Variants in EPHB2 observed in about 807,000 individuals in gnomAD.
EPHB2 encodes ephrin type-B receptor 2.
In EPHB2, 18 loss-of-function variants were observed where a neutral mutation model predicts 96.4. The ratio of observed to expected loss-of-function variants is 0.19; its 90% CI spans 0.13 to 0.28. EPHB2 has a LOEUF of 0.28. Among genes scored for constraint, EPHB2 ranks in the 10% least tolerant of loss-of-function variants. The pLI is 1.00. For synonymous variants in EPHB2, 506 were observed against 534.1 expected, an observed-to-expected ratio of 0.95 and a Z score of 0.72; for missense variants, 989 against 1,355.4, an observed-to-expected ratio of 0.73 and a Z score of 4.25.
At chr1:22,712,921 C>T (rs1405788422) in intron 1 of EPHB2, among the ~76,000 whole-genome samples, 1 of 152,102 alleles carries the variant, frequency 6.6e-6, no homozygotes, top group Non-Finnish European at 1.5e-5. Context: ...GAAAATTGGC[C>T]CCTCTCTCGT....
intron 5 of EPHB2, among the ~76,000 whole-genome samples, chr1:22,868,570 A>G (rs1405198930): frequency 1.3e-5 from 2 of 152,110 alleles, no homozygotes; most frequent in Admixed American, 6.5e-5. Flanking sequence ...GGTTCAGCCT[A>G]TTTCATGTGT....
At chr1:22,793,410 G>T (rs184593080) in intron 3 of EPHB2, among the ~76,000 whole-genome samples, 9 of 152,126 alleles carry the variant, frequency 5.9e-5, no homozygotes, top group Admixed American at 1.3e-4. Flanking sequence ...AGCCAAGAAG[G>T]CTTCCTGGAG....
intron 3 of EPHB2, among the ~76,000 whole-genome samples, chr1:22,839,092 C>T (rs1369201568): frequency 2.0e-5 from 3 of 152,174 alleles, no homozygotes; most frequent in Non-Finnish European, 4.4e-5. Context: ...ACAGCTTTCC[C>T]AGGATATCAG....
chr1:22,823,113 G>A (rs1286828864), intron 3 of EPHB2, among the ~76,000 whole-genome samples: 3 of 152,204 alleles, frequency 2.0e-5, no homozygotes, highest in Admixed American at 2.0e-4. Flanking sequence ...AGTTAGCTCT[G>A]CCACATCCCC....
chr1:22,712,780 C>T (rs1240924217), intron 1 of EPHB2, among the ~76,000 whole-genome samples: 1 of 152,198 alleles, frequency 6.6e-6, no homozygotes, highest in Admixed American at 6.5e-5. Context: ...GCTGAGGTAC[C>T]ACTTATTAAC....
intron 1 of EPHB2, among the ~76,000 whole-genome samples, chr1:22,726,424 CTT>C (rs772724033): frequency 1.1e-5 from 1 of 91,146 alleles, no homozygotes; most frequent in Non-Finnish European, 2.7e-5. Flanking sequence ...CTTTTTTTTT[CTT>C]TTTTTTTTTT....
chr1:22,910,135 AG>A (rs1305467811), intron 13 of EPHB2, among the ~76,000 whole-genome samples: 1 of 152,260 alleles, frequency 6.6e-6, no homozygotes, highest in East Asian at 1.9e-4. Flanking sequence ...AAGCTATCTC[AG>A]GGCACTGGAT....
chr1:22,779,789 A>G (rs1467960605), intron 1 of EPHB2, among the ~76,000 whole-genome samples: 1 of 152,146 alleles, frequency 6.6e-6, no homozygotes, highest in Non-Finnish European at 1.5e-5. Context: ...TAGCATCTCA[A>G]ATGGTTCGTA....
chr1:22,903,046 A>G (rs1639800249), intron 9 of EPHB2, among the ~76,000 whole-genome samples: 1 of 152,222 alleles, frequency 6.6e-6, no homozygotes, highest in South Asian at 2.1e-4. Context: ...GCAGGCATCT[A>G]GGGAGCAGGG....
intron 5 of EPHB2, among the ~76,000 whole-genome samples, chr1:22,880,203 G>T (rs1373213423): frequency 6.6e-6 from 1 of 152,178 alleles, no homozygotes; most frequent in Non-Finnish European, 1.5e-5. Flanking sequence ...TTAGCAGCAA[G>T]GCAGAGAGGC....
chr1:22,781,779 G>A (rs910258644), intron 2 of EPHB2, among the ~76,000 whole-genome samples: 4 of 152,142 alleles, frequency 2.6e-5, no homozygotes, highest in Non-Finnish European at 5.9e-5. Context: ...TACAGATGAA[G>A]AAAGTGAACT....
Position 22,781,557 on chromosome 1 carries a change from C to T in EPHB2, c.126+72C>T. ...AAGCCCTGCTGCAGGGCCCGAATGC[C>T]CCCTCATATTCTAACCCCTTTCCCC... On this transcript the variant is annotated intron_variant, in intron 2 of 15. Coordinates refer to ENST00000374630, the MANE Select transcript of EPHB2 (RefSeq NM_017449.5). 3 of 1,489,002 alleles carry T rather than the reference C, an allele frequency of 2.0e-6. No individual in the cohort carries two copies. The South Asian group carries it at 3.4e-5, about 17-fold the overall frequency. The allele number at this position is 1,489,002 out of a possible 1,614,324, so 92.2% of individuals were successfully genotyped here.
chr1:22,774,417 G>T, intron 1 of EPHB2: 1 of 215,212 alleles, frequency 4.6e-6, no homozygotes, highest in Non-Finnish European at 7.9e-6. Flanking sequence ...GCCAGAGCAG[G>T]AGGAGTCAGG....
Position 22,912,759 on chromosome 1 carries a change from G to A in EPHB2, c.2852+160G>A, listed in dbSNP as rs573451391. 6.6e-4 allele frequency: 674 copies of A among 1,014,116 alleles called. 2 individuals carry two copies. Among genetic ancestry groups the A allele is most frequent in the Admixed American group, 1.1e-3 (54 of 50,334 alleles). 62.8% of individuals were successfully genotyped at this position (1,014,116 alleles called of 1,614,324 possible). On this transcript the variant is annotated intron_variant, in intron 15 of 15. Coordinates refer to ENST00000374630, the MANE Select transcript of EPHB2 (RefSeq NM_017449.5). ...CCAACTTTGGAGTCACCTGTGGACT[G>A]ATACCCAGGTCTGCCTGCCACCTAC... is the stretch of plus-strand genomic sequence containing the variant.
At chr1:22,776,849 G>A (rs1032962712) in intron 1 of EPHB2, among the ~76,000 whole-genome samples, 3 of 152,206 alleles carry the variant, frequency 2.0e-5, no homozygotes, top group East Asian at 1.9e-4. Flanking sequence ...GAACACTGGC[G>A]TATGCTCAAG....
At chr1:22,908,211 A>C (rs749769876) in intron 12 of EPHB2, 43 bp downstream of exon 12, 7 of 1,608,586 alleles carry the variant, frequency 4.4e-6, no homozygotes, top group Non-Finnish European at 6.0e-6. Context: ...GAGCCAGAGA[A>C]GAGGGCATGA....
Position 22,878,770 on chromosome 1 carries a change from G to A in EPHB2, c.1304-3589G>A, listed in dbSNP as rs548176008. On this transcript the variant is annotated intron_variant, in intron 5 of 15. Coordinates refer to ENST00000374630, the MANE Select transcript of EPHB2 (RefSeq NM_017449.5). ...GACTCCACCCTCAGGGCTCCCCACC[G>A]CTAGGCTAGACGGCCTTGCCAGGGA... is the stretch of plus-strand genomic sequence containing the variant. 2.6e-5 allele frequency among the ~76,000 whole-genome samples: 4 copies of A among 152,336 alleles called. No homozygotes were observed. The East Asian group carries it at 5.8e-4, about 22-fold the overall frequency.
chr1:22,911,139 T>TAAAA (rs1163743630), intron 14 of EPHB2, among the ~76,000 whole-genome samples: 7 of 135,168 alleles, frequency 5.2e-5, no homozygotes, highest in African/African-American at 1.9e-4. Flanking sequence ...AAACTCCATC[T>TAAAA]AAAAAAATAA....
At chr1:22,888,233 G>T (rs1389211576) in intron 6 of EPHB2, among the ~76,000 whole-genome samples, 1 of 152,098 alleles carries the variant, frequency 6.6e-6, no homozygotes, top group Admixed American at 6.5e-5. Context: ...AGTAGAGATG[G>T]GGTTTCACCA....
Sources: allele counts gnomAD v4.1 joint callset (sites outside exome capture counted in the v4.1 genomes callset), GRCh38; gene constraint gnomAD v4.1.1; transcripts MANE v1.5; gene names NCBI Gene and HGNC (gene_info 2026-07-23, HGNC 2026-07-21).